ZNF184: variants seen among roughly 807,000 people sequenced by gnomAD.
ZNF184 encodes zinc finger protein 184.
In ZNF184, 16 loss-of-function variants were observed where a neutral mutation model predicts 54.4. That is an observed-to-expected ratio of 0.29 (90% CI 0.20 to 0.45). The LOEUF is 0.45. ZNF184 is among the 20% of genes least tolerant of loss of function. ZNF184 has a pLI of 1.00. For missense variants in ZNF184, 681 were observed against 888.2 expected, an observed-to-expected ratio of 0.77 and a Z score of 2.97; for synonymous variants, 254 against 295.3, an observed-to-expected ratio of 0.86 and a Z score of 1.43.
downstream of ZNF184, among the ~76,000 whole-genome samples, chr6:27,449,634 G>T (rs1465894406): frequency 6.6e-6 from 1 of 152,054 alleles, no homozygotes; most frequent in African/African-American, 2.4e-5. Flanking sequence ...TGCACCTATA[G>T]TTCCAGCTAC....
At position 27,456,847 on chromosome 6, in the gene ZNF184, T is replaced by A. The variant is rs749913389; in HGVS notation, c.277A>T (p.Ile93Phe). The A allele has an allele frequency of 5.6e-6, 9 of 1,614,058 alleles. No individual in the cohort carries two copies. Residue 93 changes from isoleucine to phenylalanine, a missense_variant, in exon 5 of 6, where the codon ATT becomes TTT. Ile to Phe is a conservative substitution (Grantham distance 21, BLOSUM62 0). Transcript: ENST00000683788. Reference sequence around the variant, plus strand: ...TTACCTGCACAGGTACCTACTGGAATGCTTGGCTCCATGATCCATGGCTCT... The same window carrying A: ...TTACCTGCACAGGTACCTACTGGAAAGCTTGGCTCCATGATCCATGGCTCT... ...GTEPWIMEPSIPVGTCADWET... is the reference protein window; with the variant it reads ...GTEPWIMEPSFPVGTCADWET...
the ZNF184 span, among the ~76,000 whole-genome samples, chr6:27,432,981 A>G: frequency 0.029 from 4,424 of 152,316 alleles, 68 homozygotes; most frequent in Non-Finnish European, 0.032. This position sits in a 1 kb window ranked among gnomAD's most constrained non-coding sequence, Gnocchi z 4.0. Flanking sequence ...CTTTTGGCCT[A>G]TGGCAAAACT....
At chr6:27,422,466 C>T in the ZNF184 span, among the ~76,000 whole-genome samples, 1 of 151,894 alleles carries the variant, frequency 6.6e-6, no homozygotes, top group Non-Finnish European at 1.5e-5. Context: ...AATCCATATC[C>T]TTCTGTGAGG....
chr6:27,453,067 T>C lies in ZNF184; in HGVS notation c.492A>G (p.Ile164Met), dbSNP rs780927506. The C allele has an allele frequency of 4.3e-6, 7 of 1,614,108 alleles. No individual in the cohort carries two copies. The East Asian group carries it at 1.6e-4, about 36-fold the overall frequency. The change falls in exon 6 of 6, where the codon ATA becomes ATG. Residue 164 changes from isoleucine to methionine, a missense_variant. Physicochemically the swap from Ile to Met is conservative, Grantham distance 10. Transcript: ENST00000683788. This position sits in a 1 kb window ranked among gnomAD's most constrained non-coding sequence, Gnocchi z 4.7. Reference sequence around the variant, plus strand: ...TGGGTATTGTCTTTTCGGTTACCTTTATTTCCTTTGGCAGTGTCTGTTGGT... The same window carrying C: ...TGGGTATTGTCTTTTCGGTTACCTTCATTTCCTTTGGCAGTGTCTGTTGGT... ...QANQQTLPKE[I>M]KVTEKTIPSW...
the ZNF184 span, among the ~76,000 whole-genome samples, chr6:27,410,657 G>A: frequency 6.6e-6 from 1 of 152,014 alleles, no homozygotes; most frequent in African/African-American, 2.4e-5. Flanking sequence ...TCAGCTTCCC[G>A]AGTAGCTGAG....
the ZNF184 span, among the ~76,000 whole-genome samples, chr6:27,442,834 G>A: frequency 2.2e-4 from 9 of 40,984 alleles, 1 homozygote; most frequent in Non-Finnish European, 2.5e-4. Context: ...AAGAAAGAAA[G>A]AAAGAAAGAA....
At chr6:27,429,590 A>C in the ZNF184 span, among the ~76,000 whole-genome samples, 3 of 152,112 alleles carry the variant, frequency 2.0e-5, no homozygotes, top group African/African-American at 7.2e-5. Context: ...AAATATTGTT[A>C]AGTAAATGAG....
chr6:27,434,217 G>A, the ZNF184 span, among the ~76,000 whole-genome samples: 1 of 152,050 alleles, frequency 6.6e-6, no homozygotes, highest in African/African-American at 2.4e-5. Flanking sequence ...TGGATCATGT[G>A]GTAATCCTGT....
the ZNF184 span, among the ~76,000 whole-genome samples, chr6:27,424,311 C>T: frequency 2.6e-5 from 4 of 152,294 alleles, no homozygotes; most frequent in Admixed American, 6.5e-5. Context: ...TAAGCAGCAG[C>T]AAGATTTATT....
At chr6:27,407,491 CT>C in the ZNF184 span, among the ~76,000 whole-genome samples, 2 of 152,234 alleles carry the variant, frequency 1.3e-5, no homozygotes, top group South Asian at 2.1e-4. Flanking sequence ...CACTCTCTCT[CT>C]GGGCAGCAGC....
intron 2 of ZNF184, among the ~76,000 whole-genome samples, chr6:27,471,359 A>G (rs1043723018): frequency 6.6e-6 from 1 of 152,206 alleles, no homozygotes; most frequent in South Asian, 2.1e-4. Context: ...GACATTAAGG[A>G]TAATAATAAT....
rs554970715 is a variant in ZNF184, at chr6:27,455,698, A to C, written c.298+1128T>G. Among the ~76,000 whole-genome samples, 20 of 152,240 alleles carry C rather than the reference A, an allele frequency of 1.3e-4. No individual in the cohort carries two copies. The East Asian group carries it at 3.5e-3, about 26-fold the overall frequency. ...TATGCAACCCTGTTGAGCATTCATA[A>C]CACCTAACTGCCTATTTAAAAAAAA... On this transcript the variant is annotated intron_variant, in intron 5 of 5. Coordinates refer to ENST00000683788, the MANE Select transcript of ZNF184 (RefSeq NM_001318891.2).
At chr6:27,429,020 G>C in the ZNF184 span, among the ~76,000 whole-genome samples, 3 of 152,180 alleles carry the variant, frequency 2.0e-5, no homozygotes, top group Non-Finnish European at 2.9e-5. Context: ...TCACATAAGG[G>C]AGAACTTGCC....
At chr6:27,455,255 T>C (rs72845223) in intron 5 of ZNF184, among the ~76,000 whole-genome samples, 1 of 152,282 alleles carries the variant, frequency 6.6e-6, no homozygotes, top group Non-Finnish European at 1.5e-5. Flanking sequence ...ACCAAAAGAA[T>C]GGAGCTAAAT....
At chr6:27,428,444 TA>T in the ZNF184 span, among the ~76,000 whole-genome samples, 1 of 152,224 alleles carries the variant, frequency 6.6e-6, no homozygotes, top group Non-Finnish European at 1.5e-5. The surrounding 1 kb of genome is among the most constrained non-coding windows in gnomAD (Gnocchi z 4.1). Context: ...TTCTGGGACT[TA>T]AAGATGGACC....
chr6:27,457,479 T>C, intron 3 of ZNF184, 70 bp from the exon 4 acceptor site: 1 of 1,556,172 alleles, frequency 6.4e-7, no homozygotes, highest in African/African-American at 1.4e-5. Context: ...TTAGCAATAC[T>C]GACAGAAGTA....
chr6:27,414,741 T>C, the ZNF184 span, among the ~76,000 whole-genome samples: 1 of 152,154 alleles, frequency 6.6e-6, no homozygotes, highest in African/African-American at 2.4e-5. Flanking sequence ...GTATATACTC[T>C]ATACTTTTTA....
At position 27,452,653 on chromosome 6, in the gene ZNF184, T is replaced by C; in HGVS notation, c.906A>G (p.Gly302=). 1 of 1,614,060 alleles carries C rather than the reference T, an allele frequency of 6.2e-7. No individual in the cohort carries two copies. The change falls in exon 6 of 6, where the codon GGA becomes GGG. Residue 302 remains glycine, a synonymous_variant. Coordinates refer to ENST00000683788, the MANE Select transcript of ZNF184 (RefSeq NM_001318891.2). The surrounding 1 kb of genome is among the most constrained non-coding windows in gnomAD (Gnocchi z 5.5). Reference sequence around the variant, plus strand: ...ATTCATCACATTTATATGGTTTTTCTCCAGTATGAATTCTTTGATGTTGAG... The same window carrying C: ...ATTCATCACATTTATATGGTTTTTCCCCAGTATGAATTCTTTGATGTTGAG... The part of the protein sequence containing the change: ...SLTQHQRIHT[G]EKPYKCDECG...
chr6:27,447,577 G>T (rs1024157631), downstream of ZNF184, among the ~76,000 whole-genome samples: 2 of 152,100 alleles, frequency 1.3e-5, no homozygotes, highest in Admixed American at 6.6e-5. Context: ...GCTGGGCATG[G>T]TGGCAGGCGC....
Sources: gnomAD v4.1 joint callset for allele counts (sites outside exome capture counted in the v4.1 genomes callset) on GRCh38, gnomAD v4.1.1 for gene constraint, Gnocchi (gnomAD v3.1) non-coding constraint, MANE v1.5 for transcripts, NCBI Gene and HGNC (gene_info 2026-07-23, HGNC 2026-07-21) for gene names.